The following SMIM14 variants were observed in gnomAD, a reference collection of about 807,000 sequenced individuals.
SMIM14 encodes chromosome 4 open reading frame 34.
A neutral mutation model predicts 12.6 loss-of-function variants in SMIM14; 5 were observed. The ratio of observed to expected loss-of-function variants is 0.40; its 90% CI spans 0.21 to 0.83. SMIM14 has a LOEUF of 0.83. Ranked by LOEUF, SMIM14 falls within the 40% of genes least tolerant of loss-of-function variation. The pLI, the probability that SMIM14 is intolerant of heterozygous loss-of-function variation, is 0.37. For synonymous variants in SMIM14, 30 were observed against 40.1 expected (o/e 0.75, Z 0.95); for missense variants, 86 against 119.1 (o/e 0.72, Z 1.29).
At chr4:39,607,474 G>T (rs1714856809) in intron 1 of SMIM14, among the ~76,000 whole-genome samples, 1 of 152,166 alleles carries the variant, frequency 6.6e-6, no homozygotes, top group African/African-American at 2.4e-5. Context: ...TTAAAAGTAG[G>T]CTGAGCATGG....
At chr4:39,562,730 T>A (rs1182676498) in intron 3 of SMIM14, among the ~76,000 whole-genome samples, 2 of 151,820 alleles carry the variant, frequency 1.3e-5, no homozygotes, top group Non-Finnish European at 2.9e-5. Flanking sequence ...TGATCTCGAA[T>A]TCCTGAGCTC....
chr4:39,618,889 T>C (rs1170603289), intron 1 of SMIM14, among the ~76,000 whole-genome samples: 1 of 151,966 alleles, frequency 6.6e-6, no homozygotes, highest in African/African-American at 2.4e-5. Context: ...TGAGTGTGAA[T>C]AGACTCAGTA....
chr4:39,558,024 TG>T lies in SMIM14; in HGVS notation c.125-1455del, dbSNP rs551758708. 5.8e-3 allele frequency among the ~76,000 whole-genome samples: 881 copies of T among 152,350 alleles called. 11 individuals carry two copies. The highest frequency in any genetic ancestry group is 0.02 in the African/African-American group (813 of 41,566). On this transcript the variant is annotated intron_variant, in intron 3 of 4. Transcript: ENST00000295958. The surrounding 1 kb of genome is among the most constrained non-coding windows in gnomAD (Gnocchi z 4.3). The stretch of plus-strand genomic sequence containing the variant: ...GAGAAAAATGCTAGACAGGGATGTA[TG>T]TGCGTATACAGGCATCAGTTTTTCC...
intron 3 of SMIM14, among the ~76,000 whole-genome samples, chr4:39,563,781 T>C (rs1471542628): frequency 1.3e-5 from 2 of 152,224 alleles, no homozygotes; most frequent in Admixed American, 6.5e-5. Context: ...TAATTAACTT[T>C]TTAAGAACTG....
At chr4:39,632,775 T>TCACACACA (rs369057968) in intron 1 of SMIM14, among the ~76,000 whole-genome samples, 65 of 115,094 alleles carry the variant, frequency 5.6e-4, no homozygotes, top group Admixed American at 2.2e-3. Flanking sequence ...GAGACTCCCG[T>TCACACACA]CACACACACA....
intron 3 of SMIM14, among the ~76,000 whole-genome samples, chr4:39,560,026 G>A (rs1048608204): frequency 7.9e-5 from 12 of 152,024 alleles, no homozygotes; most frequent in Non-Finnish European, 1.8e-4. Context: ...GGAGGCTGAG[G>A]TGGGAGGATG....
chr4:39,604,831 G>A (rs894350712), intron 2 of SMIM14, among the ~76,000 whole-genome samples: 9 of 151,962 alleles, frequency 5.9e-5, no homozygotes, highest in Admixed American at 2.0e-4. Flanking sequence ...AACTGGTCTC[G>A]AACTCCTGAG....
At chr4:39,585,946 GAAT>G (rs974367336) in intron 2 of SMIM14, among the ~76,000 whole-genome samples, 1 of 152,100 alleles carries the variant, frequency 6.6e-6, no homozygotes, top group African/African-American at 2.4e-5. Flanking sequence ...TTGCCTTGAA[GAAT>G]AATGTACACT....
chr4:39,608,963 TGTAC>T (rs1553865720), intron 1 of SMIM14, among the ~76,000 whole-genome samples: 1 of 152,062 alleles, frequency 6.6e-6, no homozygotes, highest in Non-Finnish European at 1.5e-5. Context: ...GACACTGTAA[TGTAC>T]ATTTTATTTT....
intron 2 of SMIM14, 108 bp from the exon 3 acceptor site, chr4:39,572,571 C>A: frequency 1.2e-6 from 1 of 867,300 alleles, no homozygotes; most frequent in South Asian, 1.4e-5. Flanking sequence ...CGCCTGTAAT[C>A]CCACACTTTG....
chr4:39,594,008 C>A lies in SMIM14; in HGVS notation c.75+11063G>T, dbSNP rs1714240598. On this transcript the variant is annotated intron_variant, in intron 2 of 4. Coordinates refer to ENST00000295958, the MANE Select transcript of SMIM14 (RefSeq NM_174921.3). The stretch of plus-strand genomic sequence containing the variant: ...TAATTTATAGATTCAATGCCATCCC[C>A]ATCAAGCTACCAATGACTTTCTTCA... 3 of 152,222 alleles carry A rather than the reference C, an allele frequency of 2.0e-5. No individual in the cohort carries two copies. In the South Asian group the frequency reaches 6.2e-4, roughly 32 times the overall value. 9.4% of individuals were successfully genotyped at this position (152,222 alleles called of 1,614,324 possible).
At chr4:39,626,520 A>C (rs1266223898) in intron 1 of SMIM14, among the ~76,000 whole-genome samples, 4 of 152,206 alleles carry the variant, frequency 2.6e-5, no homozygotes, top group Non-Finnish European at 5.9e-5. Context: ...TTTCTTGAAA[A>C]GGATGTATCT....
chr4:39,617,516 C>T (rs964390127), intron 1 of SMIM14, among the ~76,000 whole-genome samples: 6 of 152,132 alleles, frequency 3.9e-5, no homozygotes, highest in African/African-American at 1.4e-4. Context: ...TGTTTAAACC[C>T]TGTCTTACCC....
At chr4:39,638,491 G>C in intron 1 of SMIM14, 1 of 985,440 alleles carries the variant, frequency 1.0e-6, no homozygotes, top group Non-Finnish European at 1.2e-6. Flanking sequence ...TGCCTGCAAA[G>C]CCCCGACTCT....
chr4:39,633,852 C>T (rs759685734), intron 1 of SMIM14, among the ~76,000 whole-genome samples: 10 of 152,192 alleles, frequency 6.6e-5, no homozygotes, highest in Non-Finnish European at 1.5e-4. Context: ...GAAGAAAATG[C>T]TACAAATTTA....
chr4:39,634,230 G>A (rs1560313090), intron 1 of SMIM14, among the ~76,000 whole-genome samples: 1 of 152,148 alleles, frequency 6.6e-6, no homozygotes, highest in Non-Finnish European at 1.5e-5. Context: ...CCCAGCCGCA[G>A]AATGTTTTTT....
At chr4:39,624,419 A>C (rs1262663313) in intron 1 of SMIM14, among the ~76,000 whole-genome samples, 1 of 152,232 alleles carries the variant, frequency 6.6e-6, no homozygotes, top group Non-Finnish European at 1.5e-5. Context: ...AATCCTGAGC[A>C]GGACTCATTC....
At chr4:39,566,844 G>A (rs1330231733) in intron 3 of SMIM14, among the ~76,000 whole-genome samples, 1 of 152,148 alleles carries the variant, frequency 6.6e-6, no homozygotes, top group Non-Finnish European at 1.5e-5. Context: ...GCGTGCACCT[G>A]TAGTCCCAGC....
intron 1 of SMIM14, among the ~76,000 whole-genome samples, chr4:39,625,414 T>C (rs1287659721): frequency 1.3e-5 from 2 of 150,910 alleles, no homozygotes; most frequent in Non-Finnish European, 2.9e-5. Context: ...TCACGCAGGA[T>C]TAAAACTCCC....
Sources: allele counts gnomAD v4.1 joint callset (sites outside exome capture counted in the v4.1 genomes callset), GRCh38; gene constraint gnomAD v4.1.1; non-coding constraint Gnocchi (gnomAD v3.1); transcripts MANE v1.5; gene names NCBI Gene and HGNC (gene_info 2026-07-23, HGNC 2026-07-21).